Variants in TVP23C observed in about 807,000 individuals in gnomAD.
TVP23C encodes Golgi apparatus membrane protein TVP23 homolog C.
Under a neutral mutation model 28.7 loss-of-function variants are expected in TVP23C, and 19 were observed. The ratio of observed to expected loss-of-function variants is 0.66; its 90% CI spans 0.46 to 0.97. The LOEUF (loss-of-function observed/expected upper bound fraction) is 0.97, where lower values mean the gene tolerates loss of function less well. Ranked by LOEUF, TVP23C falls within the 50% of genes least tolerant of loss-of-function variation. TVP23C has a pLI of 0.00. For missense variants in TVP23C, 186 were observed against 241.3 expected, an observed-to-expected ratio of 0.77 and a Z score of 1.52; for synonymous variants, 68 against 81.7, an observed-to-expected ratio of 0.83 and a Z score of 0.90.
At chr17:15,502,898 C>T in exon 6 of TVP23C, 1 of 1,592,930 alleles carries the variant, frequency 6.3e-7, no homozygotes, top group African/African-American at 1.4e-5. Flanking sequence ...AAATTTTGGC[C>T]CGGGCTCACC....
At chr17:15,529,716 C>G (rs1982874160) in intron 5 of TVP23C, among the ~76,000 whole-genome samples, 1 of 152,272 alleles carries the variant, frequency 6.6e-6, no homozygotes, top group Non-Finnish European at 1.5e-5. Context: ...TCTATACTTT[C>G]ACTTTCTACC....
intron 5 of TVP23C, among the ~76,000 whole-genome samples, chr17:15,511,508 CATTAAGAAATT>C (rs1290191771): frequency 6.6e-6 from 1 of 152,180 alleles, no homozygotes; most frequent in Non-Finnish European, 1.5e-5. Context: ...GAATTTGAAT[CATTAAGAAATT>C]TAAAGTACTA....
downstream of TVP23C, among the ~76,000 whole-genome samples, chr17:15,535,929 C>T (rs559999670): frequency 5.3e-5 from 8 of 152,302 alleles, no homozygotes; most frequent in African/African-American, 7.2e-5. Flanking sequence ...CGATGGCTCA[C>T]GCCTGTAATC....
chr17:15,507,620 C>A (rs1044219431), intron 5 of TVP23C, among the ~76,000 whole-genome samples: 1 of 152,156 alleles, frequency 6.6e-6, no homozygotes, highest in African/African-American at 2.4e-5. Flanking sequence ...AGGCGGATCA[C>A]GAGGTCAGGA....
intron 1 of TVP23C, among the ~76,000 whole-genome samples, chr17:15,559,495 T>A (rs892533199): frequency 6.7e-6 from 1 of 148,204 alleles, no homozygotes; most frequent in Non-Finnish European, 1.5e-5. Context: ...GAAAGGGAGA[T>A]CCATTGGAGT....
chr17:15,505,889 T>A (rs557385068), intron 5 of TVP23C, among the ~76,000 whole-genome samples: 6 of 152,344 alleles, frequency 3.9e-5, no homozygotes, highest in Admixed American at 3.9e-4. Flanking sequence ...ACCGGCGCTG[T>A]GCTCGATTTC....
chr17:15,506,116 G>A (rs935386564), intron 5 of TVP23C, among the ~76,000 whole-genome samples: 20 of 152,380 alleles, frequency 1.3e-4, no homozygotes, highest in Non-Finnish European at 2.4e-4. Flanking sequence ...CTGCAGCCCC[G>A]GTGCGGGATC....
chr17:15,549,916 C>T (rs1053592227), intron 3 of TVP23C, among the ~76,000 whole-genome samples: 1 of 150,586 alleles, frequency 6.6e-6, no homozygotes, highest in African/African-American at 2.4e-5. Flanking sequence ...GGGAGAGATG[C>T]TAAGTAAAAA....
At chr17:15,561,622 G>GAATAAATA (rs1406997651) in intron 1 of TVP23C, among the ~76,000 whole-genome samples, 239 of 107,556 alleles carry the variant, frequency 2.2e-3, no homozygotes, top group Middle Eastern at 0.014. Context: ...ATGAATGAAT[G>GAATAAATA]AATGAATGAA....
chr17:15,544,720 T>C (rs1447382990), intron 5 of TVP23C, among the ~76,000 whole-genome samples: 1 of 152,112 alleles, frequency 6.6e-6, no homozygotes, highest in Admixed American at 6.5e-5. Flanking sequence ...AGGGTAATGA[T>C]ATAACATATA....
At chr17:15,517,472 T>A (rs1982278880) in intron 5 of TVP23C, among the ~76,000 whole-genome samples, 1 of 152,192 alleles carries the variant, frequency 6.6e-6, no homozygotes, top group Admixed American at 6.5e-5. Flanking sequence ...CTGAGTAGAA[T>A]TAGCTACTCC....
intron 5 of TVP23C, among the ~76,000 whole-genome samples, chr17:15,517,177 C>T (rs568946200): frequency 4.7e-4 from 72 of 152,284 alleles, no homozygotes; most frequent in African/African-American, 1.5e-3. Context: ...CTACCCTTTC[C>T]GCCTCCCTGT....
downstream of TVP23C, among the ~76,000 whole-genome samples, chr17:15,532,031 C>T (rs1982968635): frequency 6.6e-6 from 1 of 152,022 alleles, no homozygotes; most frequent in African/African-American, 2.4e-5. Flanking sequence ...TGCTTGGTTA[C>T]TTTAGTCTTG....
intron 5 of TVP23C, chr17:15,503,734 TGTAAA>T: frequency 6.6e-6 from 1 of 152,110 alleles, no homozygotes; most frequent in Non-Finnish European, 1.5e-5. Context: ...GAGAGGGAAA[TGTAAA>T]GTAAATGAAG....
chr17:15,505,851 G>A (rs2150825587), intron 5 of TVP23C, among the ~76,000 whole-genome samples: 1 of 152,350 alleles, frequency 6.6e-6, no homozygotes, highest in African/African-American at 2.4e-5. Context: ...TGCGTACGGT[G>A]TACTGGGTCC....
rs371789548 is a variant in TVP23C, at chr17:15,538,367, G to C, written c.*2045C>G. The C allele has an allele frequency of 5.2e-4, 439 of 837,830 alleles. 2 individuals carry two copies. In the African/African-American group the frequency reaches 7.8e-3, roughly 15 times the overall value. The allele number at this position is 837,830 out of a possible 1,614,324, so 51.9% of individuals were successfully genotyped here. On this transcript the variant is annotated 3_prime_UTR_variant, in exon 6 of 6. Transcript: ENST00000518321. The stretch of plus-strand genomic sequence containing the variant: ...GCACTTTGGGAGGCCGAGGAGGGTG[G>C]ATCATGAGGTCAGGAGATCGAGACC...
chr17:15,547,888 A>C (rs546505221), intron 3 of TVP23C, among the ~76,000 whole-genome samples: 68 of 152,322 alleles, frequency 4.5e-4, no homozygotes, highest in African/African-American at 1.5e-3. Flanking sequence ...ATAAAAGATA[A>C]ATAAGAATCA....
chr17:15,522,214 G>A (rs1248783567), intron 5 of TVP23C, among the ~76,000 whole-genome samples: 1 of 152,186 alleles, frequency 6.6e-6, no homozygotes, highest in Non-Finnish European at 1.5e-5. Flanking sequence ...ACATTTAAGA[G>A]ACTATATAGG....
intron 5 of TVP23C, 73 bp downstream of exon 5, chr17:15,545,712 T>C: frequency 1.3e-6 from 2 of 1,543,380 alleles, no homozygotes; most frequent in South Asian, 2.5e-5. Flanking sequence ...AGGACTCAGT[T>C]GCAGTTGTTG....
Sources: gnomAD v4.1 joint callset for allele counts (sites outside exome capture counted in the v4.1 genomes callset) on GRCh38, gnomAD v4.1.1 for gene constraint, MANE v1.5 for transcripts, NCBI Gene and HGNC (gene_info 2026-07-23, HGNC 2026-07-21) for gene names.